Variants in SCD5 observed in about 807,000 individuals in gnomAD.
SCD5 encodes stearoyl-CoA desaturase 5, also known as acyl-CoA-desaturase 4.
SCD5 carries 20 observed loss-of-function variants against 30.4 expected under a neutral mutation model. The observed-to-expected ratio is 0.66, with a 90% confidence interval of 0.46 to 0.96. The LOEUF is 0.96. Ranked by LOEUF, SCD5 falls within the 40% of genes least tolerant of loss-of-function variation. The pLI is 0.00. For synonymous variants in SCD5, 173 were observed against 176.4 expected (o/e 0.98, Z 0.16); for missense variants, 381 against 443.3 (o/e 0.86, Z 1.26).
chr4:82,672,088 A>G (rs1560529953), intron 3 of SCD5, among the ~76,000 whole-genome samples: 1 of 152,200 alleles, frequency 6.6e-6, no homozygotes, highest in Non-Finnish European at 1.5e-5. Flanking sequence ...GCATGACTAC[A>G]TATGTTAGGA....
At chr4:82,642,377 G>GTTC in intron 3 of SCD5, among the ~76,000 whole-genome samples, 1 of 152,284 alleles carries the variant, frequency 6.6e-6, no homozygotes, top group Non-Finnish European at 1.5e-5. Flanking sequence ...GTTGAACATA[G>GTTC]ACCTGGCCCC....
chr4:82,753,729 C>A (rs563999676), intron 1 of SCD5, among the ~76,000 whole-genome samples: 31 of 152,290 alleles, frequency 2.0e-4, no homozygotes, highest in African/African-American at 7.5e-4. Flanking sequence ...CCTCCCCCCT[C>A]AGCCATCTTC....
At chr4:82,771,414 G>A (rs569906372) in intron 1 of SCD5, among the ~76,000 whole-genome samples, 5 of 152,160 alleles carry the variant, frequency 3.3e-5, no homozygotes, top group African/African-American at 4.8e-5. Context: ...GCAAGACAAG[G>A]GGGTATTTCA....
At chr4:82,703,173 C>T (rs758699730) in intron 2 of SCD5, among the ~76,000 whole-genome samples, 4 of 152,098 alleles carry the variant, frequency 2.6e-5, no homozygotes, top group Non-Finnish European at 5.9e-5. Flanking sequence ...AATAAGTATT[C>T]GTTGAATGAA....
chr4:82,768,132 A>G (rs1289273375), intron 1 of SCD5, among the ~76,000 whole-genome samples: 1 of 152,214 alleles, frequency 6.6e-6, no homozygotes, highest in Non-Finnish European at 1.5e-5. Context: ...ACTCATTCTA[A>G]GTACTCCACA....
At chr4:82,786,607 C>T (rs1446277374) in intron 1 of SCD5, among the ~76,000 whole-genome samples, 7 of 152,088 alleles carry the variant, frequency 4.6e-5, no homozygotes. Flanking sequence ...CGAGACCAGC[C>T]TGGCCAACAT....
At chr4:82,709,052 A>G (rs999052638) in intron 1 of SCD5, among the ~76,000 whole-genome samples, 3 of 152,208 alleles carry the variant, frequency 2.0e-5, no homozygotes, top group Non-Finnish European at 2.9e-5. Flanking sequence ...AAAACTTGAC[A>G]GTGATAGAGC....
chr4:82,662,265 C>G (rs771710984), intron 3 of SCD5, among the ~76,000 whole-genome samples: 1 of 152,172 alleles, frequency 6.6e-6, no homozygotes, highest in Middle Eastern at 3.4e-3. Flanking sequence ...GTTGCCCAGG[C>G]TGGTCTCAGA....
At chr4:82,639,169 A>G (rs1727490853) in intron 3 of SCD5, among the ~76,000 whole-genome samples, 1 of 152,132 alleles carries the variant, frequency 6.6e-6, no homozygotes, top group African/African-American at 2.4e-5. Flanking sequence ...ATCAGCACCC[A>G]TTTTCTAGTC....
At chr4:82,739,200 A>G (rs954406999) in intron 1 of SCD5, among the ~76,000 whole-genome samples, 1 of 152,118 alleles carries the variant, frequency 6.6e-6, no homozygotes, top group East Asian at 1.9e-4. Context: ...CATGCAAATC[A>G]TTTCCCTCTC....
rs1178748221 is a variant in SCD5 at position 82,680,620 on chromosome 4, C to T, written c.569+87G>A. On this transcript the variant is annotated intron_variant, in intron 3 of 4. Transcript: ENST00000319540. ...TGTTAGGGCAAATGCTTGAGAAGAA[C>T]GCTATGGGGTTATGAGTCCACCTCA... 1.2e-5 allele frequency: 14 copies of T among 1,193,496 alleles called. No individual in the cohort carries two copies. The Admixed American group carries it at 2.0e-4, about 17-fold the overall frequency. 73.9% of individuals were successfully genotyped at this position (1,193,496 alleles called of 1,614,324 possible).
intron 1 of SCD5, among the ~76,000 whole-genome samples, chr4:82,744,071 C>T (rs1247134122): frequency 6.6e-6 from 1 of 152,184 alleles, no homozygotes; most frequent in East Asian, 1.9e-4. Flanking sequence ...ACAGATCCGC[C>T]TGCCTCAGCC....
intron 2 of SCD5, among the ~76,000 whole-genome samples, chr4:82,689,398 A>G (rs1728783479): frequency 6.6e-6 from 1 of 151,436 alleles, no homozygotes; most frequent in Admixed American, 6.6e-5. Context: ...TCTAAATACT[A>G]AAAAAAAAGA....
chr4:82,685,837 T>C (rs1728691385), intron 2 of SCD5, among the ~76,000 whole-genome samples: 1 of 152,158 alleles, frequency 6.6e-6, no homozygotes, highest in African/African-American at 2.4e-5. Flanking sequence ...CAATGTATAA[T>C]CAGTATAAAA....
At chr4:82,665,074 ATATTTTT>A (rs1560528050) in intron 3 of SCD5, among the ~76,000 whole-genome samples, 3 of 79,654 alleles carry the variant, frequency 3.8e-5, no homozygotes, top group Non-Finnish European at 6.7e-5. Flanking sequence ...ATATATATAT[ATATTTTT>A]TTTTTAATTT....
chr4:82,660,347 A>AC (rs1457236726), intron 3 of SCD5: 3 of 602,498 alleles, frequency 5.0e-6, no homozygotes, highest in Non-Finnish European at 6.3e-6. Flanking sequence ...GGAACTCTCC[A>AC]CCCCAAATCA....
intron 3 of SCD5, among the ~76,000 whole-genome samples, chr4:82,651,459 T>A (rs184270747): frequency 1.3e-5 from 2 of 150,588 alleles, no homozygotes; most frequent in South Asian, 2.1e-4. Flanking sequence ...TTTGGGGACT[T>A]GGGGGAAAGG....
chr4:82,690,166 T>C (rs1189263327), intron 2 of SCD5, among the ~76,000 whole-genome samples: 2 of 152,184 alleles, frequency 1.3e-5, no homozygotes, highest in East Asian at 3.8e-4. Context: ...TGTGAAAGTG[T>C]CTTTGTTATT....
rs1300731120 is a variant in SCD5 at position 82,630,095 on chromosome 4, G to T, written c.*1232C>A. The T allele has an allele frequency of 6.6e-6, 1 of 152,204 alleles. No individual in the cohort carries two copies. Among genetic ancestry groups the T allele is most frequent in the Non-Finnish European group, 1.5e-5 (1 of 68,036 alleles). The allele number at this position is 152,204 out of a possible 1,614,324, so 9.4% of individuals were successfully genotyped here. ...CGAGAGCTTAATTTGAGCTTAATTTGATGTCTGGCATGTCAGAGTTATACA... is the reference window on the plus strand; with the variant it reads ...CGAGAGCTTAATTTGAGCTTAATTTTATGTCTGGCATGTCAGAGTTATACA... On this transcript the variant is annotated 3_prime_UTR_variant, in exon 5 of 5. Coordinates refer to ENST00000319540, the MANE Select transcript of SCD5 (RefSeq NM_001037582.3).
Sources: allele counts gnomAD v4.1 joint callset (sites outside exome capture counted in the v4.1 genomes callset), GRCh38; gene constraint gnomAD v4.1.1; transcripts MANE v1.5; gene names NCBI Gene and HGNC (gene_info 2026-07-23, HGNC 2026-07-21).